The following GARNL3 variants were observed in gnomAD, a reference collection of about 807,000 sequenced individuals.
The protein encoded by GARNL3 is GTPase activating Rap/RanGAP domain like 3, also known as GTPase-activating Rap/Ran-GAP domain-like protein 3.
Under a neutral mutation model 125.0 loss-of-function variants are expected in GARNL3, and 63 were observed. The ratio of observed to expected loss-of-function variants is 0.50; its 90% confidence interval spans 0.41 to 0.62. The LOEUF is 0.62. Ranked by LOEUF, GARNL3 falls within the 20% of genes least tolerant of loss-of-function variation. The probability of loss-of-function intolerance (pLI) is 0.00; values close to 1 mark genes in which losing one functional copy is unlikely to be tolerated. For synonymous variants in GARNL3, 439 were observed against 457.5 expected (o/e 0.96, Z 0.52); for missense variants, 994 against 1,244.0 (o/e 0.80, Z 3.02).
At chr9:127,368,543 C>G (rs112915022) in intron 22 of GARNL3, among the ~76,000 whole-genome samples, 7,474 of 146,852 alleles carry the variant, frequency 0.051, 338 homozygotes, top group Non-Finnish European at 0.069. Context: ...GTTGGTCAGG[C>G]TGGTCTCGAA....
At position 127,315,112 on chromosome 9, in the gene GARNL3, G is replaced by A. The variant is rs1215474781; in HGVS notation, c.438+1553G>A. ...CCTTCACCCAACACCTCTTCCCTTG[G>A]CCTTCAGTTATGTGCCAAGGACAAT... is the stretch of plus-strand genomic sequence containing the variant. On this transcript the variant is annotated intron_variant, in intron 4 of 27. Transcript: ENST00000373387. Among the ~76,000 whole-genome samples, 3 of 152,220 alleles carry A rather than the reference G, an allele frequency of 2.0e-5. No individual in the cohort carries two copies. In the East Asian group the frequency reaches 5.8e-4, roughly 29 times the overall value.
At chr9:127,326,906 G>C (rs889793636) in intron 7 of GARNL3, among the ~76,000 whole-genome samples, 1 of 152,130 alleles carries the variant, frequency 6.6e-6, no homozygotes, top group African/African-American at 2.4e-5. Flanking sequence ...CCACTGCCTT[G>C]ATATTGGACC....
At chr9:127,344,657 G>A (rs553830647) in intron 15 of GARNL3, among the ~76,000 whole-genome samples, 1 of 152,318 alleles carries the variant, frequency 6.6e-6, no homozygotes, top group South Asian at 2.1e-4. Context: ...ATTTTCTGAA[G>A]AGTGAGGAGC....
chr9:127,300,388 CTCTCTTTTGTATTTTATTCT>C (rs2064746614), intron 2 of GARNL3: 1 of 348,820 alleles, frequency 2.9e-6, no homozygotes, highest in African/African-American at 2.2e-5. Flanking sequence ...CCCCTTTCAC[CTCTCTTTTGTATTTTATTCT>C]TCTCTTCTGC....
At chr9:127,225,824 T>TGCGCCCCTC (rs1174094133) in intron 1 of GARNL3, among the ~76,000 whole-genome samples, 10 of 8,882 alleles carry the variant, frequency 1.1e-3, no homozygotes, top group Admixed American at 2.4e-3. Flanking sequence ...TCGCGCCCCT[T>TGCGCCCCTC]GCGCCCCTCG....
chr9:127,361,174 C>T (rs1048123363), intron 21 of GARNL3, among the ~76,000 whole-genome samples: 2 of 152,186 alleles, frequency 1.3e-5, no homozygotes, highest in African/African-American at 2.4e-5. Flanking sequence ...TCACTTGTTA[C>T]AAGTCTGTGT....
chr9:127,347,288 G>C (rs1411034410), intron 16 of GARNL3, among the ~76,000 whole-genome samples: 1 of 152,116 alleles, frequency 6.6e-6, no homozygotes, highest in Non-Finnish European at 1.5e-5. Flanking sequence ...CGGGCATGGT[G>C]GCTCATGCCT....
chr9:127,225,044 C>T (rs2062877568), intron 1 of GARNL3, among the ~76,000 whole-genome samples: 1 of 81,218 alleles, frequency 1.2e-5, no homozygotes, highest in African/African-American at 4.7e-5. Context: ...GGGGCGGGGC[C>T]GGGACCAGGG....
chr9:127,231,222 TTTTTTG>T (rs1401662397), intron 1 of GARNL3, among the ~76,000 whole-genome samples: 2,520 of 61,654 alleles, frequency 0.041, 115 homozygotes, highest in African/African-American at 0.23. Context: ...GCCCAGCTAA[TTTTTTG>T]TTTTTTTTTT....
intron 4 of GARNL3, among the ~76,000 whole-genome samples, chr9:127,317,628 A>T (rs899561306): frequency 3.3e-5 from 5 of 152,058 alleles, no homozygotes; most frequent in Non-Finnish European, 7.4e-5. Flanking sequence ...GAGGCAGGAG[A>T]ATCGCTTGAA....
At chr9:127,235,782 T>C (rs992678168) in intron 1 of GARNL3, among the ~76,000 whole-genome samples, 1 of 152,224 alleles carries the variant, frequency 6.6e-6, no homozygotes, top group African/African-American at 2.4e-5. Context: ...CAAAACTGTT[T>C]CTTTGGAACA....
At chr9:127,289,744 C>T (rs2064358858) in intron 1 of GARNL3, among the ~76,000 whole-genome samples, 1 of 152,154 alleles carries the variant, frequency 6.6e-6, no homozygotes, top group Admixed American at 6.5e-5. Context: ...TTAGAGATCA[C>T]CTCCCAGAAG....
At chr9:127,378,962 G>A (rs1352887392) in intron 22 of GARNL3, among the ~76,000 whole-genome samples, 1 of 152,092 alleles carries the variant, frequency 6.6e-6, no homozygotes, top group African/African-American at 2.4e-5. Context: ...ATTTTTAGTG[G>A]AGATGGGGTT....
intron 1 of GARNL3, among the ~76,000 whole-genome samples, chr9:127,267,026 A>G (rs555696353): frequency 1.3e-5 from 2 of 152,206 alleles, no homozygotes; most frequent in Non-Finnish European, 2.9e-5. Context: ...CAGTAGATCC[A>G]AGGTTAACCT....
chr9:127,291,949 A>T (rs2064434856), intron 2 of GARNL3, among the ~76,000 whole-genome samples: 1 of 152,044 alleles, frequency 6.6e-6, no homozygotes, highest in South Asian at 2.1e-4. Context: ...AACTGTCTCA[A>T]GATTATTGCA....
At chr9:127,301,558 C>A (rs1025314783) in intron 2 of GARNL3, among the ~76,000 whole-genome samples, 13 of 152,210 alleles carry the variant, frequency 8.5e-5, no homozygotes, top group African/African-American at 3.1e-4. Flanking sequence ...CTTCCTTATA[C>A]CATCTGAGCT....
In GARNL3 at chr9:127,393,437, T is replaced by C; in HGVS notation, c.*183T>C. 1 of 457,116 alleles carries C rather than the reference T, an allele frequency of 2.2e-6. No homozygotes were observed. Among genetic ancestry groups the C allele is most frequent in the South Asian group, 4.9e-5 (1 of 20,230 alleles). The allele number at this position is 457,116 out of a possible 1,614,324, so 28.3% of individuals were successfully genotyped here. A position where few individuals can be genotyped will look rare whatever the true frequency, so the allele number is the denominator to read the frequency against. ...CCGGTGCCATCTTTCCTGACCTTTG[T>C]TTCTTTCTGTTCAGGAACCATCAGT... On this transcript the variant is annotated 3_prime_UTR_variant, in exon 28 of 28. Coordinates refer to ENST00000373387, the MANE Select transcript of GARNL3 (RefSeq NM_032293.5).
At chr9:127,300,048 G>A (rs1251467074) in intron 2 of GARNL3, 5 of 284,130 alleles carry the variant, frequency 1.8e-5, no homozygotes, top group East Asian at 9.6e-5. Flanking sequence ...TGGCCATATC[G>A]AGATTAAGCT....
Position 127,266,046 on chromosome 9 carries a change from TG to T in GARNL3, c.144+1026del, listed in dbSNP as rs2063698886. Among the ~76,000 whole-genome samples, 4 of 152,332 alleles carry T rather than the reference TG, an allele frequency of 2.6e-5. No individual in the cohort carries two copies. Among genetic ancestry groups the T allele is most frequent in the Middle Eastern group, 3.4e-3 (1 of 294 alleles). On this transcript the variant is annotated intron_variant, in intron 1 of 27. Transcript: ENST00000373387. The surrounding 1 kb of genome is among the most constrained non-coding windows in gnomAD (Gnocchi z 4.0). ...GGGCAGATAAGACACATAAAATATCTGAAGAATGAATTTAGCCACATAAAAG... is the reference window on the plus strand; with the variant it reads ...GGGCAGATAAGACACATAAAATATCTAAGAATGAATTTAGCCACATAAAAG...
Sources: gnomAD v4.1 joint callset for allele counts (sites outside exome capture counted in the v4.1 genomes callset) on GRCh38, gnomAD v4.1.1 for gene constraint, Gnocchi (gnomAD v3.1) non-coding constraint, MANE v1.5 for transcripts, NCBI Gene and HGNC (gene_info 2026-07-23, HGNC 2026-07-21) for gene names.